The following PRKN variants were observed in gnomAD, a reference collection of about 807,000 sequenced individuals.
PRKN encodes parkin RBR E3 ubiquitin protein ligase.
PRKN carries 56 observed loss-of-function variants against 59.5 expected under a neutral mutation model. The observed-to-expected ratio is 0.94, with a 90% CI of 0.76 to 1.18. The LOEUF is 1.18. Ranked by LOEUF, PRKN falls within the 50% of genes most tolerant of loss-of-function variation. The pLI, the probability that PRKN is intolerant of heterozygous loss-of-function variation, is 0.00. For missense variants in PRKN, 657 were observed against 596.4 expected (o/e 1.10, Z -1.06); for synonymous variants, 250 against 222.1 (o/e 1.13, Z -1.12).
At chr6:161,486,991 G>A (rs1290126809) in intron 9 of PRKN, among the ~76,000 whole-genome samples, 1 of 152,200 alleles carries the variant, frequency 6.6e-6, no homozygotes, top group Non-Finnish European at 1.5e-5. Flanking sequence ...GTCTGAGTAA[G>A]AGTTTAGGGG....
At position 161,417,319 on chromosome 6, in the gene PRKN, G is replaced by A. The variant is rs35757923; in HGVS notation, c.1084-30442C>T. On this transcript the variant is annotated intron_variant, in intron 9 of 11. Coordinates refer to ENST00000366898, the MANE Select transcript of PRKN (RefSeq NM_004562.3). This position sits in a 1 kb window ranked among gnomAD's most constrained non-coding sequence, Gnocchi z 5.4. ...ACAAAAATTAGCCGGGTGTGGTGGC[G>A]CCTGCCTGTAGTCGCAGCTACTCGG... Among the ~76,000 whole-genome samples, 20,361 of 151,916 alleles carry A rather than the reference G, an allele frequency of 0.13. 1,524 individuals are homozygous for A. Among genetic ancestry groups the A allele is most frequent in the African/African-American group, 0.2 (8,194 of 41,378 alleles).
At chr6:161,882,908 G>C (rs569568627) in intron 6 of PRKN, among the ~76,000 whole-genome samples, 3 of 151,994 alleles carry the variant, frequency 2.0e-5, no homozygotes, top group Admixed American at 1.3e-4. Context: ...AGGAGGCTGA[G>C]GCATGATAAT....
At chr6:162,634,647 A>G (rs1393735476) in intron 1 of PRKN, among the ~76,000 whole-genome samples, 1 of 152,170 alleles carries the variant, frequency 6.6e-6, no homozygotes, top group East Asian at 1.9e-4. Context: ...TGTTTTTAAG[A>G]CGGAGTCTCG....
chr6:161,487,996 G>A lies in PRKN; in HGVS notation c.1083+60858C>T, dbSNP rs546945427. 6.6e-6 allele frequency among the ~76,000 whole-genome samples: 1 copy of A among 152,332 alleles called. No individual in the cohort carries two copies. The highest frequency in any genetic ancestry group is 1.9e-4 in the East Asian group (1 of 5,180). On this transcript the variant is annotated intron_variant, in intron 9 of 11. Coordinates refer to ENST00000366898, the MANE Select transcript of PRKN (RefSeq NM_004562.3). This position sits in a 1 kb window ranked among gnomAD's most constrained non-coding sequence, Gnocchi z 5.3. ...ATTCTCCCATGAAATGGGGTGGAGAGAGGGGAAAGGCAGAAAATAAGCAAG... is the reference window on the plus strand; with the variant it reads ...ATTCTCCCATGAAATGGGGTGGAGAAAGGGGAAAGGCAGAAAATAAGCAAG...
Position 162,633,432 on chromosome 6 carries a change from C to CAAAAAAAAAAAAA in PRKN, c.7+94217_7+94229dup, listed in dbSNP as rs531688324. ...CCTAGGTGACAGAGCAAGACTGTCT[C>CAAAAAAAAAAAAA]AAAAAAAAAAAAAAAAAAAAAAAAA... is the stretch of plus-strand genomic sequence containing the variant. On this transcript the variant is annotated intron_variant, in intron 1 of 11. Coordinates refer to ENST00000366898, the MANE Select transcript of PRKN (RefSeq NM_004562.3). 4.0e-4 allele frequency among the ~76,000 whole-genome samples: 25 copies of CAAAAAAAAAAAAA among 61,826 alleles called. 2 individuals are homozygous for CAAAAAAAAAAAAA. The highest frequency in any genetic ancestry group is 7.5e-4 in the East Asian group (1 of 1,334). 40.6% of individuals were successfully genotyped at this position (61,826 alleles called of 152,430 possible).
chr6:161,540,584 T>G (rs1274299862), intron 9 of PRKN, among the ~76,000 whole-genome samples: 1 of 152,196 alleles, frequency 6.6e-6, no homozygotes, highest in East Asian at 1.9e-4. Context: ...CTCTGATTTT[T>G]GGGTATCACT....
At chr6:162,306,235 CCTGA>C (rs1782217281) in intron 2 of PRKN, among the ~76,000 whole-genome samples, 1 of 152,136 alleles carries the variant, frequency 6.6e-6, no homozygotes, top group South Asian at 2.1e-4. Context: ...TCAGAGATGG[CCTGA>C]CTGAGGGTGT....
In PRKN at chr6:161,838,046, G is replaced by C. The variant is rs1792834951; in HGVS notation, c.735-52138C>G. Among the ~76,000 whole-genome samples, 3 of 152,108 alleles carry C rather than the reference G, an allele frequency of 2.0e-5. No homozygotes were observed. The South Asian group carries it at 6.2e-4, about 32-fold the overall frequency. On this transcript the variant is annotated intron_variant, in intron 6 of 11. Transcript: ENST00000366898. ...CCTAGGACAGAAAGCGGCTGAAGGAGGGCTCTGCCTCAAGTGTTTCTTAAT... is the reference window on the plus strand; with the variant it reads ...CCTAGGACAGAAAGCGGCTGAAGGACGGCTCTGCCTCAAGTGTTTCTTAAT...
chr6:162,710,772 A>C (rs80217835), intron 1 of PRKN, among the ~76,000 whole-genome samples: 2,381 of 152,216 alleles, frequency 0.016, 69 homozygotes, highest in African/African-American at 0.053. Flanking sequence ...TTAAAAAAAA[A>C]CAAAAAAGCA....
chr6:162,563,814 A>C (rs954833248), intron 1 of PRKN, among the ~76,000 whole-genome samples: 23 of 152,336 alleles, frequency 1.5e-4, no homozygotes, highest in African/African-American at 5.3e-4. Flanking sequence ...TACATTTAAC[A>C]AAGAGAATGA....
At chr6:161,962,228 C>T (rs960669755) in intron 6 of PRKN, among the ~76,000 whole-genome samples, 2 of 152,172 alleles carry the variant, frequency 1.3e-5, no homozygotes, top group Non-Finnish European at 2.9e-5. Context: ...CAAGGTAGAT[C>T]ATATTAGTGC....
chr6:161,425,773 C>T (rs1467556688), intron 9 of PRKN, among the ~76,000 whole-genome samples: 1 of 152,100 alleles, frequency 6.6e-6, no homozygotes, highest in African/African-American at 2.4e-5. Context: ...AAATTTTGTG[C>T]TTTGTAAAAC....
intron 2 of PRKN, among the ~76,000 whole-genome samples, chr6:162,265,958 A>G (rs918716998): frequency 2.6e-5 from 4 of 152,172 alleles, no homozygotes; most frequent in African/African-American, 4.8e-5. Flanking sequence ...ATCACTGTCC[A>G]TGATCAGCTC....
At chr6:161,569,469 A>T (rs1285261216) in intron 7 of PRKN, 53 bp from the exon 8 acceptor site, 4 of 1,460,256 alleles carry the variant, frequency 2.7e-6, no homozygotes, top group Admixed American at 1.7e-5. Context: ...CTGTGTGGTT[A>T]TATGTTCTTA....
At chr6:162,259,047 G>A (rs766011491) in intron 3 of PRKN, among the ~76,000 whole-genome samples, 18 of 152,104 alleles carry the variant, frequency 1.2e-4, no homozygotes, top group African/African-American at 3.1e-4. Flanking sequence ...TATATTCTTC[G>A]AAGTTAAAAT....
chr6:162,014,382 C>T (rs945731624), intron 5 of PRKN, among the ~76,000 whole-genome samples: 1 of 152,148 alleles, frequency 6.6e-6, no homozygotes, highest in African/African-American at 2.4e-5. Flanking sequence ...TAGCTGAGGC[C>T]CTGGGCAAGG....
intron 9 of PRKN, among the ~76,000 whole-genome samples, chr6:161,416,091 T>G (rs1404605154): frequency 6.6e-6 from 1 of 152,100 alleles, no homozygotes; most frequent in African/African-American, 2.4e-5. Flanking sequence ...CTCCCCCGCT[T>G]TGCTTCCACG....
intron 1 of PRKN, chr6:162,694,938 G>A (rs1217110231): frequency 6.6e-6 from 1 of 152,132 alleles, no homozygotes; most frequent in Non-Finnish European, 1.5e-5. Context: ...CAATAATTAT[G>A]TGAATCAAGT....
chr6:162,111,365 T>C (rs937419743), intron 4 of PRKN, among the ~76,000 whole-genome samples: 1 of 152,018 alleles, frequency 6.6e-6, no homozygotes, highest in Non-Finnish European at 1.5e-5. Context: ...CTCGGGAGGC[T>C]GAGGCAGGAG....
Sources: allele counts gnomAD v4.1 joint callset (sites outside exome capture counted in the v4.1 genomes callset), GRCh38; gene constraint gnomAD v4.1.1; non-coding constraint Gnocchi (gnomAD v3.1); transcripts MANE v1.5; gene names NCBI Gene and HGNC (gene_info 2026-07-23, HGNC 2026-07-21).